The following WARS2 variants were observed in gnomAD, a reference collection of about 807,000 sequenced individuals.
WARS2 encodes tryptophan--tRNA ligase, mitochondrial.
Under a neutral mutation model 36.5 loss-of-function variants are expected in WARS2, and 28 were observed. The observed-to-expected ratio is 0.77, with a 90% CI of 0.57 to 1.05. The LOEUF is 1.05. Among genes scored for constraint, WARS2 ranks in the 50% least tolerant of loss-of-function variants. The pLI is 0.00. For missense variants in WARS2, 435 were observed against 456.8 expected (o/e 0.95, Z 0.44); for synonymous variants, 174 against 178.4 (o/e 0.98, Z 0.20).
chr1:119,126,518 C>G, intron 1 of WARS2: 1 of 482,646 alleles, frequency 2.1e-6, no homozygotes, highest in African/African-American at 2.0e-5. Context: ...TTTTTATTTG[C>G]CACTATTAAA....
chr1:119,138,207 C>T (rs1656650427), intron 1 of WARS2, among the ~76,000 whole-genome samples: 1 of 152,114 alleles, frequency 6.6e-6, no homozygotes, highest in Admixed American at 6.5e-5. Context: ...GAATCCAATG[C>T]CTCTTTCACA....
At chr1:119,044,971 A>C (rs1020371637) in intron 3 of WARS2, among the ~76,000 whole-genome samples, 5 of 152,218 alleles carry the variant, frequency 3.3e-5, no homozygotes, top group Non-Finnish European at 7.3e-5. Context: ...CCCTGAAAAT[A>C]CCTCAAAAGA....
chr1:119,031,604 T>A lies in WARS2; in HGVS notation c.*1307A>T, dbSNP rs1647433078. The A allele has an allele frequency of 6.6e-6, 1 of 152,220 alleles. No homozygotes were observed. The highest frequency in any genetic ancestry group is 1.5e-5 in the Non-Finnish European group (1 of 68,036). 9.4% of individuals were successfully genotyped at this position (152,220 alleles called of 1,614,324 possible). On this transcript the variant is annotated 3_prime_UTR_variant, in exon 6 of 6. Coordinates refer to ENST00000235521, the MANE Select transcript of WARS2 (RefSeq NM_015836.4). The stretch of plus-strand genomic sequence containing the variant: ...TAAAAAACTTATAAGCAATTTCTGT[T>A]ACAAAATCGATCTTGCTAACAGGTC...
intron 1 of WARS2, among the ~76,000 whole-genome samples, chr1:119,124,485 G>C (rs1354456677): frequency 1.3e-5 from 2 of 151,978 alleles, no homozygotes; most frequent in African/African-American, 4.8e-5. Context: ...GTGAGGCTCT[G>C]TCTCAAAAAT....
At position 119,031,947 on chromosome 1, in the gene WARS2, A is replaced by T. The variant is rs113201091; in HGVS notation, c.*964T>A. On this transcript the variant is annotated 3_prime_UTR_variant, in exon 6 of 6. Transcript: ENST00000235521. ...TGGCTGAATTGATGATATAAAAAAC[A>T]TCATCAGTCGTTCCAACACCCACCT... 4.6e-5 allele frequency: 7 copies of T among 152,878 alleles called. No homozygotes were observed. Among genetic ancestry groups the T allele is most frequent in the South Asian group, 2.1e-4 (1 of 4,840 alleles). The allele number at this position is 152,878 out of a possible 1,614,324, so 9.5% of individuals were successfully genotyped here. A position where few individuals can be genotyped will look rare whatever the true frequency, so the allele number is the denominator to read the frequency against.
chr1:119,137,838 G>C (rs886384817), intron 1 of WARS2, among the ~76,000 whole-genome samples: 9 of 152,096 alleles, frequency 5.9e-5, no homozygotes, highest in African/African-American at 2.2e-4. Flanking sequence ...TTCAACTTGA[G>C]TTTACATCTG....
chr1:119,129,673 C>A (rs1655946335), intron 1 of WARS2, among the ~76,000 whole-genome samples: 1 of 151,844 alleles, frequency 6.6e-6, no homozygotes, highest in South Asian at 2.1e-4. Context: ...TATGACTGCA[C>A]CACTGCACTC....
intron 1 of WARS2, among the ~76,000 whole-genome samples, chr1:119,134,738 TCA>T (rs1656368843): frequency 6.6e-6 from 1 of 152,244 alleles, no homozygotes; most frequent in Admixed American, 6.5e-5. Context: ...ATCTAGGGTC[TCA>T]CAGTGTGGCT....
chr1:119,082,856 T>C (rs1652307616), intron 1 of WARS2, among the ~76,000 whole-genome samples: 1 of 152,070 alleles, frequency 6.6e-6, no homozygotes, highest in African/African-American at 2.4e-5. Context: ...CCCACTGTGG[T>C]AGTATTAAAA....
At chr1:119,047,070 G>C (rs1283406670) in intron 2 of WARS2, among the ~76,000 whole-genome samples, 1 of 152,124 alleles carries the variant, frequency 6.6e-6, no homozygotes, top group African/African-American at 2.4e-5. Flanking sequence ...CTTCCAAGAG[G>C]CATTTGGGTT....
At chr1:119,089,839 G>A (rs1652915374) in intron 1 of WARS2, among the ~76,000 whole-genome samples, 1 of 152,168 alleles carries the variant, frequency 6.6e-6, no homozygotes, top group Non-Finnish European at 1.5e-5. Flanking sequence ...CATAGATGGA[G>A]TTGGAAGACA....
intron 3 of WARS2, 21 bp downstream of exon 3, chr1:119,045,561 A>C: frequency 6.4e-7 from 1 of 1,572,292 alleles, no homozygotes; most frequent in African/African-American, 1.3e-5. Flanking sequence ...TCTGTTTATT[A>C]ATCAGATTAC....
At chr1:119,035,072 T>C (rs927712065) in intron 4 of WARS2, among the ~76,000 whole-genome samples, 4 of 152,150 alleles carry the variant, frequency 2.6e-5, no homozygotes, top group Non-Finnish European at 4.4e-5. Context: ...ACCAAAAATA[T>C]CAGAATATAG....
At chr1:119,070,741 A>G (rs1279586832) in intron 2 of WARS2, among the ~76,000 whole-genome samples, 3 of 149,078 alleles carry the variant, frequency 2.0e-5, no homozygotes, top group African/African-American at 7.3e-5. Flanking sequence ...AGACCCTGTC[A>G]TAAATAAATA....
Position 119,065,683 on chromosome 1 carries a change from T to A in WARS2, c.348+10667A>T, listed in dbSNP as rs574358620. 4.0e-5 allele frequency among the ~76,000 whole-genome samples: 6 copies of A among 148,190 alleles called. No homozygotes were observed. In the East Asian group the frequency reaches 1.2e-3, roughly 29 times the overall value. ...AAATAAAAAAGATACAATAACAGCC[T>A]CACAAAATCAAAAGTATATCCTCTA... is the stretch of plus-strand genomic sequence containing the variant. On this transcript the variant is annotated intron_variant, in intron 2 of 5. Transcript: ENST00000235521.
chr1:119,042,366 G>A lies in WARS2; in HGVS notation c.430-17C>T, dbSNP rs143494742. 5.0e-6 allele frequency: 8 copies of A among 1,611,442 alleles called. No individual in the cohort carries two copies. Among genetic ancestry groups the A allele is most frequent in the Non-Finnish European group, 6.8e-6 (8 of 1,177,838 alleles). On this transcript the variant is annotated splice_polypyrimidine_tract_variant and intron_variant, in intron 3 of 5. Transcript: ENST00000235521. ...AGTCTTTGCCTGTGAGAGGTGAAAA[G>A]AGAGGAGGGGAAGAAATCTGAAATC...
chr1:119,128,696 G>A (rs1180044578), intron 1 of WARS2, among the ~76,000 whole-genome samples: 1 of 151,710 alleles, frequency 6.6e-6, no homozygotes, highest in Non-Finnish European at 1.5e-5. Flanking sequence ...AGTGGTCATG[G>A]CTTTGTTACT....
chr1:119,125,491 A>G (rs1028653211), intron 1 of WARS2, among the ~76,000 whole-genome samples: 1 of 152,256 alleles, frequency 6.6e-6, no homozygotes, highest in African/African-American at 2.4e-5. Context: ...TCTACCATAT[A>G]ATAAGTACTC....
intron 1 of WARS2, among the ~76,000 whole-genome samples, chr1:119,131,548 C>T (rs1176382714): frequency 1.3e-5 from 2 of 151,310 alleles, no homozygotes; most frequent in African/African-American, 4.9e-5. Flanking sequence ...CTGCAAGCTC[C>T]GCCTCCCGGG....
Sources: allele counts gnomAD v4.1 joint callset (sites outside exome capture counted in the v4.1 genomes callset), GRCh38; gene constraint gnomAD v4.1.1; transcripts MANE v1.5; gene names NCBI Gene and HGNC (gene_info 2026-07-23, HGNC 2026-07-21).